GOLGB1: variants seen among roughly 807,000 people sequenced by gnomAD.
GOLGB1 encodes the protein golgin subfamily B member 1.
GOLGB1 carries 174 observed loss-of-function variants against 336.9 expected under a neutral mutation model. That is an observed-to-expected ratio of 0.52 (90% confidence interval 0.46 to 0.59). The LOEUF (loss-of-function observed/expected upper bound fraction) is 0.59. Ranked by LOEUF, GOLGB1 falls within the 20% of genes least tolerant of loss-of-function variation. GOLGB1 has a pLI of 0.00. For synonymous variants in GOLGB1, 1,208 were observed against 1,289.2 expected (o/e 0.94, Z 1.35); for missense variants, 3,331 against 3,645.3 (o/e 0.91, Z 2.22).
chr3:121,700,572 T>C (rs1440917328), intron 11 of GOLGB1, among the ~76,000 whole-genome samples: 1 of 152,134 alleles, frequency 6.6e-6, no homozygotes, highest in Non-Finnish European at 1.5e-5. Context: ...AATGTCTTAA[T>C]GTGACCTACA....
Position 121,681,691 on chromosome 3 carries a change from G to T in GOLGB1, c.8869C>A (p.Leu2957Ile). 1 of 1,590,342 alleles carries T rather than the reference G, an allele frequency of 6.3e-7. No individual in the cohort carries two copies. The highest frequency in any genetic ancestry group is 8.6e-7 in the Non-Finnish European group (1 of 1,163,504). ...NLSWQHELHQ[L>I]RMEKSSWEIH... ...AGGAGGGATTATATATAGTACCTGA[G>T]CTGATGCAGCTCATGCTGCCAGGAG... The change falls in exon 15 of 22, where the codon CTC becomes ATC. Residue 2957 changes from leucine to isoleucine, a missense_variant. Leu to Ile is a conservative substitution (Grantham distance 5, BLOSUM62 2). Transcript: ENST00000614479.
chr3:121,729,899 T>C lies in GOLGB1; in HGVS notation c.215A>G (p.Asp72Gly), dbSNP rs1945956840. ...TTCATCTTTCTGCTGCAGTTGAACA[T>C]CCTTCTGTCTAATAATATCTTTTAG... is the stretch of plus-strand genomic sequence containing the variant. ...VELKDIIRQK[D>G]VQLQQKDEAL... The change falls in exon 3 of 22, where the codon GAT (aspartate) becomes GGT (glycine). Residue 72 changes from aspartate to glycine, a missense_variant. Coordinates refer to ENST00000614479, the MANE Select transcript of GOLGB1 (RefSeq NM_001366282.2). 2 of 1,612,386 alleles carry C rather than the reference T, an allele frequency of 1.2e-6. No individual in the cohort carries two copies. The highest frequency in any genetic ancestry group is 8.5e-7 in the Non-Finnish European group (1 of 1,178,626).
Position 121,668,340 on chromosome 3 carries a change from AT to A in GOLGB1, c.9322-183del, listed in dbSNP as rs1560161788. ...TACATAAAACTCTTGTCTTGATTAG[AT>A]TTTTCTCCCAGATTCTCATTCTTGA... On this transcript the variant is annotated intron_variant, in intron 18 of 21. Transcript: ENST00000614479. 1.4e-5 allele frequency: 6 copies of A among 435,208 alleles called. No homozygotes were observed. In the South Asian group the frequency reaches 2.0e-4, roughly 15 times the overall value. 27.0% of individuals were successfully genotyped at this position (435,208 alleles called of 1,614,324 possible). A position where few individuals can be genotyped will look rare whatever the true frequency, so the allele number is the denominator to read the frequency against.
chr3:121,747,723 T>C (rs573106029), intron 1 of GOLGB1, among the ~76,000 whole-genome samples: 2 of 152,172 alleles, frequency 1.3e-5, no homozygotes, highest in East Asian at 3.9e-4. Context: ...TTCTTAAATA[T>C]AACCAAGAAA....
chr3:121,696,542 T>C lies in GOLGB1; in HGVS notation c.3981A>G (p.Glu1327=), dbSNP rs750442331. Residue 1327 remains glutamate (E), a synonymous_variant, in exon 13 of 22, where the codon GAA becomes GAG. Coordinates refer to ENST00000614479, the MANE Select transcript of GOLGB1 (RefSeq NM_001366282.2). Reference sequence around the variant, plus strand: ...CACTTGTTGTAGAACTAACTTTCAATTCTAACTCTACTTTCTCAGCCTCTA... The same window carrying C: ...CACTTGTTGTAGAACTAACTTTCAACTCTAACTCTACTTTCTCAGCCTCTA... ...KEIEAEKVEL[E]LKVSSTTSEL... The C allele has an allele frequency of 1.2e-6, 2 of 1,614,200 alleles. No individual in the cohort carries two copies. The highest frequency in any genetic ancestry group is 4.5e-5 in the East Asian group (2 of 44,892).
rs775990243 is a variant in GOLGB1 at position 121,669,356 on chromosome 3, C to T, written c.9178-1G>A. On this transcript the variant is annotated splice_acceptor_variant, in intron 17 of 21. Coordinates refer to ENST00000614479, the MANE Select transcript of GOLGB1 (RefSeq NM_001366282.2). LOFTEE classifies it high-confidence loss of function. Reference sequence around the variant, plus strand: ...TTTTCTCTTCCAGTAGCTGAGAGAACTGAAACAGAGGCGAGGATAAGCATC... The same window carrying T: ...TTTTCTCTTCCAGTAGCTGAGAGAATTGAAACAGAGGCGAGGATAAGCATC... The T allele has an allele frequency of 6.2e-7, 1 of 1,613,312 alleles. No individual in the cohort carries two copies. The highest frequency in any genetic ancestry group is 8.5e-7 in the Non-Finnish European group (1 of 1,179,326).
intron 5 of GOLGB1, among the ~76,000 whole-genome samples, chr3:121,722,760 A>G (rs1327570454): frequency 6.6e-6 from 1 of 152,342 alleles, no homozygotes; most frequent in African/African-American, 2.4e-5. Context: ...TGTGTAAGAA[A>G]AAGAAGGCAG....
chr3:121,694,820 C>T lies in GOLGB1; in HGVS notation c.5703G>A (p.Leu1901=), dbSNP rs369883940. 24 of 1,613,680 alleles carry T rather than the reference C, an allele frequency of 1.5e-5. No individual in the cohort carries two copies. In the East Asian group the frequency reaches 4.5e-4, roughly 30 times the overall value. The change falls in exon 13 of 22, where the codon CTG becomes CTA. Residue 1901 remains leucine, a synonymous_variant. Transcript: ENST00000614479. ...GTTCTTCTTGGATTTGCTGATTTAA[C>T]AGGTTCATTTTGGTTACTTCCTCCT... ...MLQEEVTKMN[L]LNQQIQEELS... is the part of the protein sequence containing the mutation.
intron 10 of GOLGB1, among the ~76,000 whole-genome samples, chr3:121,712,095 G>C (rs527623060): frequency 6.6e-6 from 1 of 152,252 alleles, no homozygotes; most frequent in African/African-American, 2.4e-5. Flanking sequence ...AATGAAGACC[G>C]TGATACTGGC....
At chr3:121,710,572 C>T (rs555313276) in intron 10 of GOLGB1, among the ~76,000 whole-genome samples, 1 of 152,228 alleles carries the variant, frequency 6.6e-6, no homozygotes, top group African/African-American at 2.4e-5. Context: ...GGTGTGGTGG[C>T]TCATGCCTAT....
At chr3:121,723,271 TGTTGCATCATGTAA>T (rs1945322684) in intron 5 of GOLGB1, among the ~76,000 whole-genome samples, 1 of 152,258 alleles carries the variant, frequency 6.6e-6, no homozygotes, top group Non-Finnish European at 1.5e-5. Context: ...TCATCTTATC[TGTTGCATCATGTAA>T]GTTACTGTTG....
At chr3:121,681,533 G>C (rs534622865) in intron 15 of GOLGB1, among the ~76,000 whole-genome samples, 154 bp downstream of exon 15, 1 of 152,204 alleles carries the variant, frequency 6.6e-6, no homozygotes, top group South Asian at 2.1e-4. Flanking sequence ...TCCTGGTTTT[G>C]ATACTGTGCT....
chr3:121,711,755 GAATA>G (rs1472938957), intron 10 of GOLGB1, among the ~76,000 whole-genome samples: 6 of 152,060 alleles, frequency 3.9e-5, no homozygotes, highest in African/African-American at 1.4e-4. Context: ...AACTACTTCA[GAATA>G]AATGTTATAA....
At chr3:121,712,155 A>G (rs1402660122) in intron 10 of GOLGB1, among the ~76,000 whole-genome samples, 5 of 152,226 alleles carry the variant, frequency 3.3e-5, no homozygotes, top group Admixed American at 3.3e-4. Flanking sequence ...ATTCAGAAAT[A>G]GATGTATTAG....
rs1330744895 is a variant in GOLGB1, at chr3:121,745,378, A to G, written c.-3+4254T>C. Among the ~76,000 whole-genome samples, 3 of 97,078 alleles carry G rather than the reference A, an allele frequency of 3.1e-5. No individual in the cohort carries two copies. The Admixed American group carries it at 3.4e-4, about 11-fold the overall frequency. The allele number at this position is 97,078 out of a possible 152,430, so 63.7% of individuals were successfully genotyped here. A position where few individuals can be genotyped will look rare whatever the true frequency, so the allele number is the denominator to read the frequency against. ...TGTATATATACATATGTACACGTGTATGTATATATACATATGTACACGTGT... is the reference window on the plus strand; with the variant it reads ...TGTATATATACATATGTACACGTGTGTGTATATATACATATGTACACGTGT... On this transcript the variant is annotated intron_variant, in intron 1 of 21. Transcript: ENST00000614479.
intron 17 of GOLGB1, among the ~76,000 whole-genome samples, chr3:121,674,992 C>T (rs1412564915): frequency 4.6e-5 from 7 of 151,566 alleles, no homozygotes; most frequent in African/African-American, 1.2e-4. Flanking sequence ...CCCGCCACCG[C>T]GCCCGGCTAA....
chr3:121,727,672 C>G (rs2108265463), intron 4 of GOLGB1, among the ~76,000 whole-genome samples: 1 of 151,908 alleles, frequency 6.6e-6, no homozygotes, highest in East Asian at 1.9e-4. Flanking sequence ...TTTCAATAAT[C>G]TATTTTTTTT....
chr3:121,734,295 C>T (rs1333604372), intron 1 of GOLGB1, among the ~76,000 whole-genome samples: 2 of 147,770 alleles, frequency 1.4e-5, no homozygotes, highest in Admixed American at 1.4e-4. Flanking sequence ...GAGGCTGAGG[C>T]ACAAGAATCG....
In GOLGB1 at chr3:121,697,153, G is replaced by T; in HGVS notation, c.3370C>A (p.Gln1124Lys). The T allele has an allele frequency of 1.2e-6, 2 of 1,613,988 alleles. No homozygotes were observed. Among genetic ancestry groups the T allele is most frequent in the Non-Finnish European group, 1.7e-6 (2 of 1,179,950 alleles). Residue 1124 changes from glutamine (Q) to lysine (K), a missense_variant, in exon 13 of 22, where the codon CAA becomes AAA. Physicochemically the swap from Gln to Lys is moderately conservative, Grantham distance 53. Transcript: ENST00000614479. ...DLLQAEISEN[Q>K]AIIQKLITSN... is the part of the protein sequence containing the mutation. ...GTGATTAACTTCTGGATAATTGCTT[G>T]GTTTTCACTGATTTCTGCTTGGAGC...
Sources: gnomAD v4.1 joint callset for allele counts (sites outside exome capture counted in the v4.1 genomes callset) on GRCh38, gnomAD v4.1.1 for gene constraint, MANE v1.5 for transcripts, NCBI Gene and HGNC (gene_info 2026-07-23, HGNC 2026-07-21) for gene names.